Variants in CLDN2 observed in about 807,000 individuals in gnomAD.
CLDN2 encodes the protein claudin 2.
In CLDN2, 1 loss-of-function variant was observed where a neutral mutation model predicts 8.2. That is an observed-to-expected ratio of 0.12 (90% CI 0.04 to 0.58). The LOEUF (loss-of-function observed/expected upper bound fraction) is 0.58, where lower values mean the gene tolerates loss of function less well. Among genes scored for constraint, CLDN2 ranks in the 20% least tolerant of loss-of-function variants. The pLI, the probability that CLDN2 is intolerant of heterozygous loss-of-function variation, is 0.90. For synonymous variants in CLDN2, 70 were observed against 70.2 expected, an observed-to-expected ratio of 1.00 and a Z score of 0.01; for missense variants, 108 against 172.9, an observed-to-expected ratio of 0.62 and a Z score of 2.11.
intron 1 of CLDN2, chrX:106,900,838 G>A (rs746078758): frequency 1.7e-6 from 2 of 1,211,659 alleles, no homozygotes; most frequent in South Asian, 3.5e-5. Context: ...GCCTGGACAG[G>A]AAAGTTCTGC....
intron 1 of CLDN2, chrX:106,903,204 T>C: frequency 6.6e-6 from 8 of 1,210,753 alleles, no homozygotes; most frequent in Non-Finnish European, 8.9e-6. Context: ...GGAGTGCCAG[T>C]GGGGCTTGTG....
intron 1 of CLDN2, among the ~76,000 whole-genome samples, chrX:106,912,718 T>C (rs917460822): frequency 9.0e-6 from 1 of 110,892 alleles, no homozygotes; most frequent in Admixed American, 9.6e-5. Context: ...ACTTGAATGA[T>C]TGACAGATAA....
upstream of CLDN2, among the ~76,000 whole-genome samples, chrX:106,915,061 C>T (rs754539887): frequency 1.8e-5 from 2 of 111,829 alleles, no homozygotes; most frequent in African/African-American, 3.3e-5. Context: ...ATCTATTATC[C>T]ATCCCTAAGT....
chrX:106,901,377 AGC>A (rs1933091134), intron 1 of CLDN2: 5 of 835,923 alleles, frequency 6.0e-6, no homozygotes, highest in Non-Finnish European at 8.8e-6. Flanking sequence ...GATCATAGAT[AGC>A]AATTCCTCCC....
In CLDN2 at chrX:106,930,576, C is replaced by A. The variant is rs776602466; in HGVS notation, c.*1655C>A. On this transcript the variant is annotated 3_prime_UTR_variant, in exon 2 of 2. Coordinates refer to ENST00000336803, the MANE Select transcript of CLDN2 (RefSeq NM_020384.4). ...TCCCCTTAGCCAAGTCCTCCTCAGG[C>A]TTGGAGAACTTCCTCAGCGTCACCT... 1.6e-5 allele frequency: 2 copies of A among 122,865 alleles called. No individual in the cohort carries two copies. Among genetic ancestry groups the A allele is most frequent in the South Asian group, 7.7e-4 (2 of 2,595 alleles). The allele number at this position is 122,865 out of a possible 1,213,427, so 10.1% of individuals were successfully genotyped here.
chrX:106,927,015 C>T (rs1227717718), intron 1 of CLDN2, among the ~76,000 whole-genome samples: 3 of 110,400 alleles, frequency 2.7e-5, no homozygotes, highest in Non-Finnish European at 5.7e-5. Flanking sequence ...CCCAGGAGGT[C>T]GAGGCTGCAA....
At chrX:106,914,623 TTTG>T (rs1055392235), upstream of CLDN2, among the ~76,000 whole-genome samples, 6 of 111,891 alleles carry the variant, frequency 5.4e-5, no homozygotes, top group Non-Finnish European at 1.1e-4. Context: ...TTGCCATTTT[TTTG>T]TTTTGAAAAC....
chrX:106,901,379 C>G, intron 1 of CLDN2: 1 of 848,648 alleles, frequency 1.2e-6, no homozygotes, highest in Admixed American at 2.3e-5. Flanking sequence ...TCATAGATAG[C>G]AATTCCTCCC....
chrX:106,903,292 A>C (rs371861405), intron 1 of CLDN2: 10 of 1,192,273 alleles, frequency 8.4e-6, no homozygotes, highest in Non-Finnish European at 1.1e-5. Context: ...GTCCATTCTT[A>C]GGGGACCAAA....
At chrX:106,924,624 T>G (rs1177539213) in intron 1 of CLDN2, among the ~76,000 whole-genome samples, 3 of 110,653 alleles carry the variant, frequency 2.7e-5, no homozygotes, top group Non-Finnish European at 5.7e-5. Flanking sequence ...TGCCCAATGC[T>G]GTGGAAGCAT....
intron 1 of CLDN2, chrX:106,901,562 G>A (rs1177059049): frequency 8.3e-7 from 1 of 1,199,058 alleles, no homozygotes. Context: ...AAGCTAGCAT[G>A]TGGCTCAAAG....
Position 106,928,288 on chromosome X carries a change from C to T in CLDN2, c.60C>T (p.Gly20=), listed in dbSNP as rs769979747. Residue 20 remains glycine (G), a synonymous_variant, in exon 2 of 2, where the codon GGC becomes GGT. Transcript: ENST00000336803. ...GYILGLLGLL[G]TLVAMLLPSW... Reference sequence around the variant, plus strand: ...TCCTAGGCCTTCTGGGGCTTTTGGGCACACTGGTTGCCATGCTGCTCCCCA... The same window carrying T: ...TCCTAGGCCTTCTGGGGCTTTTGGGTACACTGGTTGCCATGCTGCTCCCCA... The T allele has an allele frequency of 2.3e-5, 28 of 1,210,476 alleles. No individual in the cohort carries two copies. Among genetic ancestry groups the T allele is most frequent in the Non-Finnish European group, 3.0e-5 (27 of 895,224 alleles).
At chrX:106,917,435 A>T (rs1357239799), upstream of CLDN2, among the ~76,000 whole-genome samples, 1 of 112,080 alleles carries the variant, frequency 8.9e-6, no homozygotes, top group Non-Finnish European at 1.9e-5. Flanking sequence ...AGGACTAAAA[A>T]GTGGCCATTG....
At chrX:106,902,557 T>A (rs1424337445) in intron 1 of CLDN2, among the ~76,000 whole-genome samples, 1 of 111,368 alleles carries the variant, frequency 9.0e-6, no homozygotes, top group Non-Finnish European at 1.9e-5. Flanking sequence ...ATGTTTGGAG[T>A]AATGAGTGGG....
intron 1 of CLDN2, 54 bp from the exon 2 acceptor site, chrX:106,927,997 G>C: frequency 3.1e-6 from 1 of 323,651 alleles, no homozygotes; most frequent in Non-Finnish European, 5.3e-6. Context: ...AGCGTTTTCT[G>C]GTTTCTCATA....
chrX:106,909,788 C>G (rs960992490), intron 1 of CLDN2, among the ~76,000 whole-genome samples: 3 of 111,971 alleles, frequency 2.7e-5, no homozygotes, highest in African/African-American at 9.7e-5. Context: ...CTCTGGAGAA[C>G]AGTTTGTTCC....
At chrX:106,927,533 C>A (rs1444486492) in intron 1 of CLDN2, among the ~76,000 whole-genome samples, 1 of 111,507 alleles carries the variant, frequency 9.0e-6, no homozygotes, top group Admixed American at 9.5e-5. Flanking sequence ...GGACAGAAGG[C>A]TTTGCTGCCC....
At chrX:106,925,165 C>CA (rs1028008443) in intron 1 of CLDN2, among the ~76,000 whole-genome samples, 29 of 111,468 alleles carry the variant, frequency 2.6e-4, no homozygotes, top group Admixed American at 1.1e-3. Context: ...GTGCCTACCA[C>CA]AAAAAAACCT....
chrX:106,925,808 A>G, intron 1 of CLDN2, among the ~76,000 whole-genome samples: 1 of 112,242 alleles, frequency 8.9e-6, no homozygotes, highest in East Asian at 2.8e-4. Flanking sequence ...GGAGTTGGAG[A>G]TCAGCCTGGC....
Sources: allele counts gnomAD v4.1 joint callset (sites outside exome capture counted in the v4.1 genomes callset), GRCh38; gene constraint gnomAD v4.1.1; transcripts MANE v1.5; gene names NCBI Gene and HGNC (gene_info 2026-07-23, HGNC 2026-07-21).